TEX26: variants seen among roughly 807,000 people sequenced by gnomAD.
TEX26 encodes the protein testis expressed 26, also known as testis-expressed protein 26.
Under a neutral mutation model 35.3 loss-of-function variants are expected in TEX26, and 34 were observed. The ratio of observed to expected loss-of-function variants is 0.96; its 90% CI spans 0.73 to 1.28. TEX26 has a LOEUF of 1.28. TEX26 is among the 50% of genes most tolerant of loss of function. The pLI, the probability that TEX26 is intolerant of heterozygous loss-of-function variation, is 0.00. For synonymous variants in TEX26, 136 were observed against 111.8 expected (o/e 1.22, Z -1.36); for missense variants, 371 against 330.1 (o/e 1.12, Z -0.96).
chr13:30,963,829 A>G (rs935850385), intron 4 of TEX26, among the ~76,000 whole-genome samples: 4 of 152,048 alleles, frequency 2.6e-5, no homozygotes, highest in Non-Finnish European at 5.9e-5. Flanking sequence ...TGTTCATTCT[A>G]TAGATATTTA....
Position 30,975,057 on chromosome 13 carries a change from T to A in TEX26, c.*150T>A. The stretch of plus-strand genomic sequence containing the variant: ...CATGAATTTGTGTCTTTTGCTCCGC[T>A]TTATTTTTAAACAATAAAATTAAGG... On this transcript the variant is annotated 3_prime_UTR_variant, in exon 7 of 7. Coordinates refer to ENST00000380473, the MANE Select transcript of TEX26 (RefSeq NM_152325.3). 1.9e-6 allele frequency: 1 copy of A among 535,252 alleles called. No homozygotes were observed. Among genetic ancestry groups the A allele is most frequent in the Admixed American group, 4.3e-5 (1 of 23,292 alleles). The allele number at this position is 535,252 out of a possible 1,614,324, so 33.2% of individuals were successfully genotyped here.
intron 2 of TEX26, among the ~76,000 whole-genome samples, chr13:30,948,737 T>G (rs1049937004): frequency 7.2e-5 from 11 of 152,286 alleles, no homozygotes; most frequent in Admixed American, 5.2e-4. Context: ...AGAAGCTCTT[T>G]AGTTTAATTA....
chr13:30,939,664 A>G, intron 1 of TEX26, 30 bp from the exon 2 acceptor site: 1 of 1,557,524 alleles, frequency 6.4e-7, no homozygotes, highest in South Asian at 1.1e-5. Context: ...CTGGTTTGCC[A>G]TATTTAAAAC....
intron 1 of TEX26, among the ~76,000 whole-genome samples, chr13:30,935,693 G>A (rs138565862): frequency 6.6e-6 from 1 of 152,212 alleles, no homozygotes; most frequent in Non-Finnish European, 1.5e-5. Flanking sequence ...GAGCTACGCT[G>A]CCTAGGGCCT....
intron 3 of TEX26, among the ~76,000 whole-genome samples, chr13:30,956,333 A>G (rs1403677944): frequency 6.6e-6 from 1 of 151,818 alleles, no homozygotes; most frequent in Non-Finnish European, 1.5e-5. Context: ...TGTCCCTACA[A>G]AGGACATGAA....
chr13:30,944,863 G>A (rs1437971854), intron 2 of TEX26, among the ~76,000 whole-genome samples: 1 of 151,844 alleles, frequency 6.6e-6, no homozygotes, highest in Non-Finnish European at 1.5e-5. Context: ...GTGGCCTATT[G>A]TATGGTCTAT....
chr13:30,948,328 A>G (rs1299893640), intron 2 of TEX26, among the ~76,000 whole-genome samples: 1 of 152,186 alleles, frequency 6.6e-6, no homozygotes, highest in Non-Finnish European at 1.5e-5. Context: ...AACTTCCACA[A>G]TGGTTGAACT....
At position 30,947,195 on chromosome 13, in the gene TEX26, G is replaced by T. The variant is rs182159833; in HGVS notation, c.147-5465G>T. Among the ~76,000 whole-genome samples, 55 of 152,136 alleles carry T rather than the reference G, an allele frequency of 3.6e-4. 1 individual carries two copies. The highest frequency in any genetic ancestry group is 1.8e-3 in the Admixed American group (28 of 15,270). On this transcript the variant is annotated intron_variant, in intron 2 of 6. Transcript: ENST00000380473. ...TGTTCATAATTATGAAATACAAAAAGAAAATTTTTTTGCAACTGCATCTTA... is the reference window on the plus strand; with the variant it reads ...TGTTCATAATTATGAAATACAAAAATAAAATTTTTTTGCAACTGCATCTTA...
At chr13:30,934,858 A>G (rs941695218) in intron 1 of TEX26, among the ~76,000 whole-genome samples, 1 of 152,102 alleles carries the variant, frequency 6.6e-6, no homozygotes, top group African/African-American at 2.4e-5. Flanking sequence ...TGTGGGTCTG[A>G]GCCTCCCTGT....
chr13:30,945,722 C>A (rs1345459316), intron 2 of TEX26, among the ~76,000 whole-genome samples: 1 of 151,886 alleles, frequency 6.6e-6, no homozygotes, highest in Non-Finnish European at 1.5e-5. Flanking sequence ...ATAAAAAATT[C>A]TAGGTTGAGA....
chr13:30,939,067 A>G (rs907383203), intron 1 of TEX26, among the ~76,000 whole-genome samples: 9 of 152,252 alleles, frequency 5.9e-5, no homozygotes, highest in African/African-American at 2.2e-4. Context: ...TAAGAAAAAG[A>G]CACTCTGTGT....
At chr13:30,952,162 G>T (rs1321726684) in intron 2 of TEX26, among the ~76,000 whole-genome samples, 1 of 151,540 alleles carries the variant, frequency 6.6e-6, no homozygotes, top group African/African-American at 2.4e-5. Context: ...AATAAGTGAT[G>T]ATGCATGTAT....
At chr13:30,940,497 C>A (rs1953451649) in intron 2 of TEX26, among the ~76,000 whole-genome samples, 1 of 151,696 alleles carries the variant, frequency 6.6e-6, no homozygotes, top group Non-Finnish European at 1.5e-5. Context: ...CCACACCTGG[C>A]TAATTTTTTG....
intron 4 of TEX26, among the ~76,000 whole-genome samples, chr13:30,957,919 G>A (rs1403062415): frequency 6.6e-6 from 1 of 152,244 alleles, no homozygotes; most frequent in African/African-American, 2.4e-5. Flanking sequence ...GTTCCTTGTG[G>A]ATGGGATGCT....
intron 3 of TEX26, among the ~76,000 whole-genome samples, chr13:30,954,771 T>C (rs1393432767): frequency 6.6e-6 from 1 of 152,204 alleles, no homozygotes; most frequent in Non-Finnish European, 1.5e-5. Flanking sequence ...CTTTATATTT[T>C]AAAATTAATG....
intron 4 of TEX26, among the ~76,000 whole-genome samples, chr13:30,960,365 C>T (rs1954290495): frequency 6.6e-6 from 1 of 152,158 alleles, no homozygotes; most frequent in African/African-American, 2.4e-5. Flanking sequence ...GCCTTAGCCT[C>T]CTGAGTAGCT....
chr13:30,935,993 C>T (rs530461284), intron 1 of TEX26, among the ~76,000 whole-genome samples: 1 of 152,316 alleles, frequency 6.6e-6, no homozygotes, highest in Non-Finnish European at 1.5e-5. Flanking sequence ...CGAGGATAAT[C>T]CAGGATGATT....
In TEX26 at chr13:30,939,791, T is replaced by C. The variant is rs1344490386; in HGVS notation, c.146+13T>C. 2 of 1,604,386 alleles carry C rather than the reference T, an allele frequency of 1.2e-6. No homozygotes were observed. Among genetic ancestry groups the C allele is most frequent in the Admixed American group, 1.7e-5 (1 of 59,964 alleles). ...CTGCCTTAATTCGGTAGATCATTAT[T>C]TGTGTTGGATTGATATACATGTTTT... On this transcript the variant is annotated intron_variant, in intron 2 of 6. Transcript: ENST00000380473.
chr13:30,963,537 T>C (rs901439286), intron 4 of TEX26, among the ~76,000 whole-genome samples: 1 of 152,150 alleles, frequency 6.6e-6, no homozygotes, highest in Non-Finnish European at 1.5e-5. Flanking sequence ...TTACTAGGAG[T>C]TACCTTAAGC....
Sources: gnomAD v4.1 joint callset for allele counts (sites outside exome capture counted in the v4.1 genomes callset) on GRCh38, gnomAD v4.1.1 for gene constraint, MANE v1.5 for transcripts, NCBI Gene and HGNC (gene_info 2026-07-23, HGNC 2026-07-21) for gene names.